GOLM2: variants seen among roughly 807,000 people sequenced by gnomAD.
The protein encoded by GOLM2 is protein GOLM2.
In GOLM2, 26 loss-of-function variants were observed where a neutral mutation model predicts 55.9. That is an observed-to-expected ratio of 0.47 (90% CI 0.34 to 0.65). The LOEUF (loss-of-function observed/expected upper bound fraction) is 0.65. Ranked by LOEUF, GOLM2 falls within the 30% of genes least tolerant of loss-of-function variation. The probability of loss-of-function intolerance (pLI) is 0.01; values close to 1 mark genes in which losing one functional copy is unlikely to be tolerated. For synonymous variants in GOLM2, 165 were observed against 194.6 expected (o/e 0.85, Z 1.27); for missense variants, 486 against 531.8 (o/e 0.91, Z 0.85).
chr15:44,344,636 G>A (rs1317672424), intron 6 of GOLM2, among the ~76,000 whole-genome samples: 1 of 151,802 alleles, frequency 6.6e-6, no homozygotes, highest in African/African-American at 2.4e-5. Context: ...TGTCATCCAG[G>A]CTAGAGTACA....
intron 9 of GOLM2, among the ~76,000 whole-genome samples, chr15:44,412,419 A>T (rs2079644433): frequency 6.6e-6 from 1 of 152,140 alleles, no homozygotes; most frequent in African/African-American, 2.4e-5. Flanking sequence ...TAGTAACAGT[A>T]ATCTTTTTTT....
At chr15:44,411,068 C>T (rs1392956862) in intron 9 of GOLM2, among the ~76,000 whole-genome samples, 4 of 126,868 alleles carry the variant, frequency 3.2e-5, no homozygotes, top group Admixed American at 9.6e-5. Context: ...GTTACCCAGG[C>T]TGGAGTGCAG....
chr15:44,392,454 C>A (rs2079497032), intron 8 of GOLM2, among the ~76,000 whole-genome samples: 1 of 151,874 alleles, frequency 6.6e-6, no homozygotes, highest in Non-Finnish European at 1.5e-5. Context: ...GAAACCCTGT[C>A]TCTACTAAAA....
intron 9 of GOLM2, among the ~76,000 whole-genome samples, chr15:44,407,710 A>G (rs1046764345): frequency 1.3e-5 from 2 of 151,490 alleles, no homozygotes; most frequent in African/African-American, 4.9e-5. Context: ...CAGCCTCCCA[A>G]AGTGTTGGGA....
chr15:44,393,956 G>C (rs2141205694), intron 8 of GOLM2, among the ~76,000 whole-genome samples: 1 of 152,280 alleles, frequency 6.6e-6, no homozygotes, highest in Non-Finnish European at 1.5e-5. Context: ...GCCTCCCAAA[G>C]TGCTAGGATT....
chr15:44,335,908 G>A (rs1036652139), intron 4 of GOLM2, among the ~76,000 whole-genome samples: 1 of 148,988 alleles, frequency 6.7e-6, no homozygotes, highest in African/African-American at 2.5e-5. Flanking sequence ...TCTGCCTCCC[G>A]GGTTCAAGCG....
chr15:44,365,117 C>T (rs1457274444), intron 6 of GOLM2, among the ~76,000 whole-genome samples: 1 of 152,054 alleles, frequency 6.6e-6, no homozygotes, highest in African/African-American at 2.4e-5. Context: ...TTCGTAATTG[C>T]CAAAACTTGA....
intron 9 of GOLM2, among the ~76,000 whole-genome samples, chr15:44,404,356 C>G (rs1371203807): frequency 6.6e-6 from 1 of 151,950 alleles, no homozygotes; most frequent in Non-Finnish European, 1.5e-5. Flanking sequence ...TGACTTTTAC[C>G]TAGGCACTGT....
chr15:44,302,261 C>T (rs2078803967), intron 1 of GOLM2, among the ~76,000 whole-genome samples: 1 of 151,066 alleles, frequency 6.6e-6, no homozygotes, highest in Non-Finnish European at 1.5e-5. Context: ...TCTCCTGCCT[C>T]AGCCTCCCAA....
intron 8 of GOLM2, among the ~76,000 whole-genome samples, chr15:44,392,792 C>A (rs904260148): frequency 6.6e-6 from 1 of 152,078 alleles, no homozygotes; most frequent in African/African-American, 2.4e-5. Flanking sequence ...TGAGGAAAAT[C>A]ATCTCAAAAG....
rs564683515 is a variant in GOLM2, at chr15:44,344,726, G to A, written c.802+6409G>A. 4.6e-3 allele frequency among the ~76,000 whole-genome samples: 697 copies of A among 151,710 alleles called. 3 individuals carry two copies. Among genetic ancestry groups the A allele is most frequent in the African/African-American group, 0.016 (647 of 41,394 alleles). The stretch of plus-strand genomic sequence containing the variant: ...CTGCCTTACCTTCTAGAGGGGCTGC[G>A]ATTACAGGCTTGTGCCACCACATGC... On this transcript the variant is annotated intron_variant, in intron 6 of 9. Coordinates refer to ENST00000299957, the MANE Select transcript of GOLM2 (RefSeq NM_138423.4).
chr15:44,337,616 A>C (rs567946275), intron 4 of GOLM2, 147 bp from the exon 5 acceptor site: 1 of 561,134 alleles, frequency 1.8e-6, no homozygotes, highest in African/African-American at 2.0e-5. Flanking sequence ...ACAGAAAATA[A>C]TGTATCCTGC....
Position 44,413,358 on chromosome 15 carries a change from A to G in GOLM2, c.1263A>G (p.Gln421=), listed in dbSNP as rs371065770. The G allele has an allele frequency of 6.2e-6, 10 of 1,611,190 alleles. No individual in the cohort carries two copies. The highest frequency in any genetic ancestry group is 2.1e-4 in the Middle Eastern group (1 of 4,816). ...DVQDDEEREL[Q]MDPADYGKQH... ...CAGATGATGAAGAACGAGAGCTTCAAATGGATCCTGCAGACTATGGAAAGC... is the reference window on the plus strand; with the variant it reads ...CAGATGATGAAGAACGAGAGCTTCAGATGGATCCTGCAGACTATGGAAAGC... The change falls in exon 10 of 10, where the codon CAA becomes CAG. Residue 421 remains glutamine, a synonymous_variant. Coordinates refer to ENST00000299957, the MANE Select transcript of GOLM2 (RefSeq NM_138423.4).
chr15:44,344,787 T>A (rs1241553996), intron 6 of GOLM2, among the ~76,000 whole-genome samples: 2 of 150,204 alleles, frequency 1.3e-5, no homozygotes, highest in Non-Finnish European at 3.0e-5. Flanking sequence ...TTAATTTTTT[T>A]TTTTTTTTGA....
intron 6 of GOLM2, 99 bp downstream of exon 6, chr15:44,338,416 T>C (rs546867842): frequency 7.3e-6 from 6 of 825,580 alleles, no homozygotes; most frequent in Admixed American, 5.3e-5. Context: ...GTCACAGATA[T>C]CTGGATGATC....
rs1374763766 is a variant in GOLM2 at position 44,371,362 on chromosome 15, G to A, written c.803-8328G>A. On this transcript the variant is annotated intron_variant, in intron 6 of 9. Transcript: ENST00000299957. Reference sequence around the variant, plus strand: ...GGTTAGTATGTCATTGCTAGCAGTGGAAGTTCATGTTGTCCTTTTTAAATT... The same window carrying A: ...GGTTAGTATGTCATTGCTAGCAGTGAAAGTTCATGTTGTCCTTTTTAAATT... 4.6e-5 allele frequency among the ~76,000 whole-genome samples: 7 copies of A among 152,276 alleles called. No individual in the cohort carries two copies. In the South Asian group the frequency reaches 1.2e-3, roughly 27 times the overall value.
chr15:44,295,959 T>C (rs564798298), intron 1 of GOLM2, among the ~76,000 whole-genome samples: 1 of 143,926 alleles, frequency 6.9e-6, no homozygotes, highest in South Asian at 2.1e-4. Flanking sequence ...GACACCCTTT[T>C]ATTTCCTCTT....
At chr15:44,332,194 T>G (rs1037942120) in intron 4 of GOLM2, 116 bp downstream of exon 4, 1 of 590,076 alleles carries the variant, frequency 1.7e-6, no homozygotes, top group Non-Finnish European at 2.9e-6. Context: ...CCAGCCAGCC[T>G]AATTCCAAAA....
intron 8 of GOLM2, among the ~76,000 whole-genome samples, chr15:44,386,696 C>A (rs1390231786): frequency 1.3e-5 from 2 of 151,950 alleles, no homozygotes; most frequent in Non-Finnish European, 2.9e-5. Flanking sequence ...CGTAGCAAGA[C>A]CCTATCTCTA....
Sources: gnomAD v4.1 joint callset for allele counts (sites outside exome capture counted in the v4.1 genomes callset) on GRCh38, gnomAD v4.1.1 for gene constraint, MANE v1.5 for transcripts, NCBI Gene and HGNC (gene_info 2026-07-23, HGNC 2026-07-21) for gene names.